The following PIGT variants were observed in gnomAD, a reference collection of about 807,000 sequenced individuals.
PIGT encodes phosphatidylinositol glycan anchor biosynthesis class T.
In PIGT, 57 loss-of-function variants were observed where a neutral mutation model predicts 66.7. That is an observed-to-expected ratio of 0.86 (90% CI 0.69 to 1.07). The LOEUF is 1.07. Ranked by LOEUF, PIGT falls within the 50% of genes least tolerant of loss-of-function variation. PIGT has a pLI of 0.00. For missense variants in PIGT, 725 were observed against 740.4 expected (o/e 0.98, Z 0.24); for synonymous variants, 362 against 320.5 (o/e 1.13, Z -1.38).
At chr20:45,417,292 C>T (rs567461852) in intron 2 of PIGT, 1 of 152,286 alleles carries the variant, frequency 6.6e-6, no homozygotes, top group Admixed American at 6.5e-5. Context: ...AGAAATATAT[C>T]TCATTTTCCT....
At chr20:45,416,899 A>C in intron 2 of PIGT, 1 of 485,850 alleles carries the variant, frequency 2.1e-6, no homozygotes, top group Non-Finnish European at 3.6e-6. Context: ...TAGCACATGC[A>C]TATCCCTGGA....
At chr20:45,416,789 C>T in intron 2 of PIGT, 95 bp downstream of exon 2, 1 of 1,129,204 alleles carries the variant, frequency 8.9e-7, no homozygotes, top group Non-Finnish European at 1.2e-6. Context: ...ACAGCACTTC[C>T]AGTAGGCAGC....
chr20:45,420,877 A>G, intron 8 of PIGT, 184 bp downstream of exon 8: 1 of 622,206 alleles, frequency 1.6e-6, no homozygotes, highest in Non-Finnish European at 2.9e-6. Flanking sequence ...CCCAAGCTTC[A>G]GCATCCACAT....
intron 9 of PIGT, 132 bp from the exon 10 acceptor site, chr20:45,424,084 C>G: frequency 1.4e-6 from 1 of 735,278 alleles, no homozygotes; most frequent in Non-Finnish European, 2.3e-6. Flanking sequence ...CTTCCCTTGC[C>G]TGCCTGGCTT....
intron 2 of PIGT, chr20:45,418,463 T>G (rs868180706): frequency 8.7e-5 from 25 of 287,280 alleles, no homozygotes; most frequent in Middle Eastern, 2.5e-3. Flanking sequence ...GTAAGATGCT[T>G]GGATGGTCAG....
intron 2 of PIGT, 110 bp downstream of exon 2, chr20:45,416,804 C>A: frequency 1.1e-6 from 1 of 949,660 alleles, no homozygotes; most frequent in Non-Finnish European, 1.5e-6. Context: ...GGCAGCGATT[C>A]CATGGGGGTA....
intron 9 of PIGT, chr20:45,423,055 ATTTTTTTTTTTT>A (rs201759786): frequency 8.9e-5 from 7 of 78,960 alleles, no homozygotes; most frequent in Admixed American, 1.8e-4. Flanking sequence ...TACAAAAAAA[ATTTTTTTTTTTT>A]TTTTTTTTTT....
Position 45,416,699 on chromosome 20 carries a change from G to T in PIGT, c.365+5G>T, listed in dbSNP as rs779102977. ...GTTCCAAGACACTGTCACTGAGTGA[G>T]TGCACACCTTGGGCCCTGTTGCAGG... On this transcript the variant is annotated splice_donor_5th_base_variant and intron_variant, in intron 2 of 11. Transcript: ENST00000279036. 1 of 1,609,942 alleles carries T rather than the reference G, an allele frequency of 6.2e-7. No homozygotes were observed.
rs1990305831 is a variant in PIGT, at chr20:45,420,692, T to C, written c.1032T>C (p.Asn344=). The C allele has an allele frequency of 6.2e-7, 1 of 1,613,622 alleles. No homozygotes were observed. The highest frequency in any genetic ancestry group is 1.3e-5 in the African/African-American group (1 of 74,760). ...IQLKWKRPPE[N]EAPPVPFLHA... ...TCAAGTGGAAGAGACCCCCAGAGAATGGTGAGTGGGTGGTTGGTTGGACTG... is the reference window on the plus strand; with the variant it reads ...TCAAGTGGAAGAGACCCCCAGAGAACGGTGAGTGGGTGGTTGGTTGGACTG... Residue 344 remains asparagine, a splice_region_variant and synonymous_variant, in exon 8 of 12, where the codon AAT becomes AAC. Coordinates refer to ENST00000279036, the MANE Select transcript of PIGT (RefSeq NM_015937.6).
rs1311607601 is a variant in PIGT, at chr20:45,417,360, A to G, written c.365+666A>G. The G allele has an allele frequency of 2.0e-5, 3 of 152,256 alleles. 1 individual carries two copies. The highest frequency in any genetic ancestry group is 4.4e-5 in the Non-Finnish European group (3 of 68,044). The allele number at this position is 152,256 out of a possible 1,614,324, so 9.4% of individuals were successfully genotyped here. On this transcript the variant is annotated intron_variant, in intron 2 of 11. Transcript: ENST00000279036. ...GTATGATATAACAAGTTTTAGGGCA[A>G]TAAAAAGGAGCAGCAGGAATTGTGG...
In PIGT at chr20:45,425,835, C is replaced by G. The variant is rs758857404; in HGVS notation, c.*9C>G. On this transcript the variant is annotated 3_prime_UTR_variant, in exon 12 of 12. Transcript: ENST00000279036. ...GTGTCCCCCCACTCTGATTCTTGCC[C>G]TTTCCAGCAGCTGCAGCTGCCGTTT... 5 of 1,609,140 alleles carry G rather than the reference C, an allele frequency of 3.1e-6. No homozygotes were observed. In the South Asian group the frequency reaches 5.5e-5, roughly 18 times the overall value.
At chr20:45,418,769 T>C in intron 2 of PIGT, 83 bp from the exon 3 acceptor site, 5 of 1,544,354 alleles carry the variant, frequency 3.2e-6, no homozygotes, top group East Asian at 4.6e-5. Flanking sequence ...CCTCCTATCA[T>C]AGGTTTAGCA....
intron 8 of PIGT, chr20:45,421,173 A>G (rs1184884998): frequency 8.5e-6 from 5 of 586,958 alleles, no homozygotes; most frequent in Non-Finnish European, 1.5e-5. Context: ...TTCGTCACGT[A>G]AGCACTTCAA....
chr20:45,424,529 G>A lies in PIGT; in HGVS notation c.1434G>A (p.Met478Ile). ...TCCTCAGCGCCCTTGTGCCCAGCAT[G>A]GTAGCAGCCAAGCCAGTGGACTGGG... ...PSVLSALVPS[M>I]VAAKPVDWEE... The change falls in exon 11 of 12, where the codon ATG becomes ATA. Residue 478 changes from methionine to isoleucine, a missense_variant. By Grantham distance (10) the Met-to-Ile change is conservative. Coordinates refer to ENST00000279036, the MANE Select transcript of PIGT (RefSeq NM_015937.6). The A allele has an allele frequency of 6.2e-7, 1 of 1,614,200 alleles. No homozygotes were observed. The highest frequency in any genetic ancestry group is 8.5e-7 in the Non-Finnish European group (1 of 1,180,034).
intron 8 of PIGT, 55 bp from the exon 9 acceptor site, chr20:45,421,328 T>G (rs2145454347): frequency 4.1e-6 from 6 of 1,464,994 alleles, no homozygotes; most frequent in Middle Eastern, 2.0e-4. Flanking sequence ...GCAGGTGGGG[T>G]GGGGAGTGAT....
intron 11 of PIGT, among the ~76,000 whole-genome samples, chr20:45,425,325 A>G (rs1247640233): frequency 6.6e-6 from 1 of 151,598 alleles, no homozygotes; most frequent in East Asian, 1.9e-4. Flanking sequence ...GTACCCATCA[A>G]CCCATCATCT....
chr20:45,416,251 A>C lies in PIGT; in HGVS notation c.95A>C (p.Glu32Ala), dbSNP rs1463759698. 1 of 1,596,112 alleles carries C rather than the reference A, an allele frequency of 6.3e-7. No homozygotes were observed. The highest frequency in any genetic ancestry group is 1.1e-5 in the South Asian group (1 of 88,264). Reference protein sequence around the residue: ...LAEPPRDSLREELVITPLPSG... With the variant: ...LAEPPRDSLRAELVITPLPSG... ...GAACCCCCACGCGACAGCCTGCGGGAGGAACTTGTCATCACCCCGCTGCCT... is the reference window on the plus strand; with the variant it reads ...GAACCCCCACGCGACAGCCTGCGGGCGGAACTTGTCATCACCCCGCTGCCT... The change falls in exon 1 of 12, where the codon GAG becomes GCG. Residue 32 changes from glutamate (E) to alanine (A), a missense_variant. By Grantham distance (107) the Glu-to-Ala change is moderately radical. Around this residue, in one of 3 missense-constraint regions of PIGT, gnomAD observed 559 missense variants for 552.7 expected, o/e 1.01. Coordinates refer to ENST00000279036, the MANE Select transcript of PIGT (RefSeq NM_015937.6).
Position 45,419,374 on chromosome 20 carries a change from G to A in PIGT, c.573G>A (p.Lys191=), listed in dbSNP as rs761482087. ...VCTENLTPWK[K]LLPCSSKAGL... Reference sequence around the variant, plus strand: ...CCGAAAACCTCACCCCCTGGAAGAAGCTCTTGCCCTGTAGTTCCAAGGTGA... The same window carrying A: ...CCGAAAACCTCACCCCCTGGAAGAAACTCTTGCCCTGTAGTTCCAAGGTGA... The change falls in exon 4 of 12, where the codon AAG becomes AAA. Residue 191 remains lysine (K), a synonymous_variant. Coordinates refer to ENST00000279036, the MANE Select transcript of PIGT (RefSeq NM_015937.6). 9.3e-6 allele frequency: 15 copies of A among 1,613,830 alleles called. No homozygotes were observed. The East Asian group carries it at 2.2e-4, about 24-fold the overall frequency.
chr20:45,417,041 A>T (rs1052145223), intron 2 of PIGT: 1 of 179,668 alleles, frequency 5.6e-6, no homozygotes, highest in African/African-American at 2.4e-5. Flanking sequence ...CAACCATAAC[A>T]TATCTGTGGG....
Sources: gnomAD v4.1 joint callset for allele counts (sites outside exome capture counted in the v4.1 genomes callset) on GRCh38, gnomAD v4.1.1 for gene constraint, gnomAD v4.1.1 regional missense constraint, MANE v1.5 for transcripts, NCBI Gene and HGNC (gene_info 2026-07-23, HGNC 2026-07-21) for gene names.